DPP10: variants seen among roughly 807,000 people sequenced by gnomAD.
DPP10 encodes inactive dipeptidyl peptidase 10.
Under a neutral mutation model 120.9 loss-of-function variants are expected in DPP10, and 33 were observed. The observed-to-expected ratio is 0.27, with a 90% confidence interval of 0.21 to 0.37. The LOEUF (loss-of-function observed/expected upper bound fraction) is 0.37. Among genes scored for constraint, DPP10 ranks in the 10% least tolerant of loss-of-function variants. The probability of loss-of-function intolerance (pLI) is 1.00; values close to 1 mark genes in which losing one functional copy is unlikely to be tolerated. For synonymous variants in DPP10, 337 were observed against 326.1 expected (o/e 1.03, Z -0.36); for missense variants, 816 against 942.8 (o/e 0.87, Z 1.76).
At chr2:115,009,395 C>A (rs1051452228) in intron 1 of DPP10, among the ~76,000 whole-genome samples, 1 of 150,076 alleles carries the variant, frequency 6.7e-6, no homozygotes, top group Non-Finnish European at 1.5e-5. Context: ...CACATGGACA[C>A]AGGAAGGGGA....
At chr2:114,621,774 T>G (rs550638034) in intron 1 of DPP10, among the ~76,000 whole-genome samples, 1 of 151,874 alleles carries the variant, frequency 6.6e-6, no homozygotes, top group African/African-American at 2.4e-5. Context: ...ACAACTTTCT[T>G]TAGTTAACCA....
At chr2:115,802,353 C>G (rs1559173302) in intron 19 of DPP10, among the ~76,000 whole-genome samples, 1 of 152,110 alleles carries the variant, frequency 6.6e-6, no homozygotes, top group African/African-American at 2.4e-5. Flanking sequence ...AGCGGTCTAT[C>G]AATTTTGTTG....
intron 1 of DPP10, among the ~76,000 whole-genome samples, chr2:114,523,472 T>C (rs1288458275): frequency 1.3e-5 from 2 of 152,220 alleles, no homozygotes; most frequent in African/African-American, 4.8e-5. Flanking sequence ...GTGTCTCCTG[T>C]AGAGCATTGA....
At chr2:115,400,977 T>C (rs2068032139) in intron 3 of DPP10, among the ~76,000 whole-genome samples, 1 of 152,104 alleles carries the variant, frequency 6.6e-6, no homozygotes, top group African/African-American at 2.4e-5. Context: ...TGGGAACAAC[T>C]GAGCAAAACA....
chr2:114,850,118 T>C (rs1688843853), intron 1 of DPP10, among the ~76,000 whole-genome samples: 2 of 151,292 alleles, frequency 1.3e-5, no homozygotes, highest in Non-Finnish European at 2.9e-5. Context: ...ACTTCTGGGC[T>C]CAAGTGATCC....
At chr2:114,659,166 A>C (rs1229742235) in intron 1 of DPP10, among the ~76,000 whole-genome samples, 1 of 152,158 alleles carries the variant, frequency 6.6e-6, no homozygotes, top group East Asian at 1.9e-4. Flanking sequence ...TCTTTCCTTC[A>C]TAAATTACCC....
At chr2:115,274,103 C>CTG (rs146168246) in intron 1 of DPP10, among the ~76,000 whole-genome samples, 67 of 150,356 alleles carry the variant, frequency 4.5e-4, no homozygotes, top group East Asian at 1.2e-3. Context: ...GTGTGTGTGT[C>CTG]TGTGTGTGTG....
intron 1 of DPP10, among the ~76,000 whole-genome samples, chr2:114,513,464 T>TG (rs1684324342): frequency 7.2e-6 from 1 of 139,402 alleles, no homozygotes; most frequent in Non-Finnish European, 1.5e-5. Context: ...GAGGTGGCAG[T>TG]GAGCCAAGAT....
At chr2:115,151,222 G>T (rs1043390308) in intron 1 of DPP10, among the ~76,000 whole-genome samples, 1 of 152,108 alleles carries the variant, frequency 6.6e-6, no homozygotes, top group Non-Finnish European at 1.5e-5. Flanking sequence ...CTGTTGGAAA[G>T]TTTAATAATA....
At chr2:115,069,831 C>T (rs1707228528) in intron 1 of DPP10, among the ~76,000 whole-genome samples, 1 of 150,864 alleles carries the variant, frequency 6.6e-6, no homozygotes, top group African/African-American at 2.4e-5. Flanking sequence ...TCACAATAAT[C>T]GAATAGGCTA....
At chr2:115,350,428 T>G (rs776444599) in intron 3 of DPP10, among the ~76,000 whole-genome samples, 16 of 152,134 alleles carry the variant, frequency 1.1e-4, no homozygotes, top group Non-Finnish European at 2.1e-4. Context: ...TTCTGCTGTT[T>G]CCTACTATGG....
In DPP10 at chr2:114,611,883, G is replaced by T. The variant is rs921204675; in HGVS notation, c.60+169045G>T. Among the ~76,000 whole-genome samples the T allele has an allele frequency of 2.0e-5, 3 of 152,148 alleles. No homozygotes were observed. The East Asian group carries it at 5.8e-4, about 29-fold the overall frequency. On this transcript the variant is annotated intron_variant, in intron 1 of 25. Coordinates refer to ENST00000410059, the MANE Select transcript of DPP10 (RefSeq NM_020868.6). Reference sequence around the variant, plus strand: ...TCTACCACTAGCTCAGGGCATCTAGGAAAGTCATTAAAAATTTACTCATCT... The same window carrying T: ...TCTACCACTAGCTCAGGGCATCTAGTAAAGTCATTAAAAATTTACTCATCT...
intron 3 of DPP10, among the ~76,000 whole-genome samples, chr2:115,366,807 T>C (rs1281216142): frequency 2.6e-5 from 4 of 152,168 alleles, no homozygotes; most frequent in South Asian, 2.1e-4. Flanking sequence ...TAATAATTGA[T>C]ATTGTGTCTT....
intron 1 of DPP10, among the ~76,000 whole-genome samples, chr2:115,242,061 G>C (rs574461374): frequency 1.3e-5 from 2 of 152,224 alleles, no homozygotes; most frequent in East Asian, 3.9e-4. Context: ...GCATGAGTAA[G>C]TTCTTTAGTG....
chr2:115,479,590 A>T (rs980993223), intron 3 of DPP10, among the ~76,000 whole-genome samples: 1 of 152,160 alleles, frequency 6.6e-6, no homozygotes, highest in Non-Finnish European at 1.5e-5. Context: ...GCAATTTACT[A>T]TAATTAAAAA....
Position 114,455,732 on chromosome 2 carries a change from T to TA in DPP10, c.60+12894_60+12895insA, listed in dbSNP as rs58137309. Among the ~76,000 whole-genome samples the TA allele has an allele frequency of 1.1e-3, 162 of 148,532 alleles. 2 individuals are homozygous for TA. The highest frequency in any genetic ancestry group is 4.1e-3 in the African/African-American group (157 of 38,658). ...TCTCATACCCACAAATTCATTTGTT[T>TA]TTTTTTTTTTTTACCATTTTCATGC... is the stretch of plus-strand genomic sequence containing the variant. On this transcript the variant is annotated intron_variant, in intron 1 of 25. Transcript: ENST00000410059.
In DPP10 at chr2:115,845,587, C is replaced by T. The variant is rs1690551169; in HGVS notation, c.*3242C>T. On this transcript the variant is annotated 3_prime_UTR_variant, in exon 26 of 26. Coordinates refer to ENST00000410059, the MANE Select transcript of DPP10 (RefSeq NM_020868.6). ...TTCCCCATTTCACTCTTTTAAGCTCCCTACTCCTATTCCCTATGATCACTT... is the reference window on the plus strand; with the variant it reads ...TTCCCCATTTCACTCTTTTAAGCTCTCTACTCCTATTCCCTATGATCACTT... The T allele has an allele frequency of 6.6e-6, 1 of 152,182 alleles. No individual in the cohort carries two copies. Among genetic ancestry groups the T allele is most frequent in the African/African-American group, 2.4e-5 (1 of 41,432 alleles). The allele number at this position is 152,182 out of a possible 1,614,324, so 9.4% of individuals were successfully genotyped here.
intron 1 of DPP10, among the ~76,000 whole-genome samples, chr2:115,017,443 G>A (rs1702730633): frequency 6.6e-6 from 1 of 152,030 alleles, no homozygotes; most frequent in African/African-American, 2.4e-5. Flanking sequence ...AAGAAAGTGT[G>A]GCAATTCCTC....
chr2:115,591,141 G>A (rs1198018689), intron 5 of DPP10, among the ~76,000 whole-genome samples: 1 of 152,140 alleles, frequency 6.6e-6, no homozygotes, highest in Admixed American at 6.6e-5. Flanking sequence ...CTTTTGCTGT[G>A]CAAAAGCTCT....
Sources: allele counts gnomAD v4.1 joint callset (sites outside exome capture counted in the v4.1 genomes callset), GRCh38; gene constraint gnomAD v4.1.1; transcripts MANE v1.5; gene names NCBI Gene and HGNC (gene_info 2026-07-23, HGNC 2026-07-21).